NSFL1C: variants seen among roughly 807,000 people sequenced by gnomAD.
NSFL1C encodes the protein NSFL1 cofactor p47.
NSFL1C carries 14 observed loss-of-function variants against 43.1 expected under a neutral mutation model. The ratio of observed to expected loss-of-function variants is 0.32; its 90% confidence interval spans 0.21 to 0.51. NSFL1C has a LOEUF of 0.51. NSFL1C is among the 20% of genes least tolerant of loss of function. The pLI, the probability that NSFL1C is intolerant of heterozygous loss-of-function variation, is 0.98. For missense variants in NSFL1C, 406 were observed against 472.5 expected (o/e 0.86, Z 1.30); for synonymous variants, 171 against 183.5 (o/e 0.93, Z 0.55).
intron 2 of NSFL1C, among the ~76,000 whole-genome samples, chr20:1,458,921 G>C (rs979019003): frequency 3.3e-5 from 5 of 151,902 alleles, no homozygotes; most frequent in African/African-American, 1.2e-4. Context: ...TTTATTTTTA[G>C]AAAAAAAGCA....
At chr20:1,446,680 C>A (rs1255243763) in intron 7 of NSFL1C, among the ~76,000 whole-genome samples, 1 of 150,616 alleles carries the variant, frequency 6.6e-6, no homozygotes, top group Non-Finnish European at 1.5e-5. Flanking sequence ...ACACAAAATG[C>A]ACATAGGACT....
At chr20:1,461,746 T>A (rs1283596017) in intron 2 of NSFL1C, among the ~76,000 whole-genome samples, 1 of 152,182 alleles carries the variant, frequency 6.6e-6, no homozygotes, top group East Asian at 1.9e-4. Context: ...TGTCCTCATC[T>A]GTAAAATAGG....
chr20:1,460,851 T>C (rs1368604544), intron 2 of NSFL1C, among the ~76,000 whole-genome samples: 3 of 152,222 alleles, frequency 2.0e-5, no homozygotes, highest in Non-Finnish European at 4.4e-5. Flanking sequence ...TCCCGGAAGT[T>C]TAAAGTACAA....
At chr20:1,454,884 A>G (rs1251758790) in intron 4 of NSFL1C, 83 bp downstream of exon 4, 1 of 1,408,788 alleles carries the variant, frequency 7.1e-7, no homozygotes, top group East Asian at 2.3e-5. Context: ...GAAAAAAATC[A>G]GTCACTACCG....
intron 3 of NSFL1C, chr20:1,455,984 C>T (rs1473626780): frequency 5.7e-6 from 3 of 522,218 alleles, no homozygotes; most frequent in East Asian, 6.5e-5. Flanking sequence ...AAAGTTAGTA[C>T]TTTTTTATAT....
rs766529091 is a variant in NSFL1C, at chr20:1,455,059, G to A, written c.352C>T (p.Leu118=). ...GPPRKKSPNE[L]VDDLFKGAKE... ...GCACCTTTAAAGAGATCATCCACCAGCTCGTTGGGACTTTTCTTCCTGGGA... is the reference window on the plus strand; with the variant it reads ...GCACCTTTAAAGAGATCATCCACCAACTCGTTGGGACTTTTCTTCCTGGGA... The change falls in exon 4 of 9, where the codon CTG becomes TTG. Residue 118 remains leucine (L), a synonymous_variant. Transcript: ENST00000216879. 9 of 1,613,960 alleles carry A rather than the reference G, an allele frequency of 5.6e-6. No individual in the cohort carries two copies. In the East Asian group the frequency reaches 1.3e-4, roughly 24 times the overall value.
chr20:1,443,681 G>T lies in NSFL1C; in HGVS notation c.*68C>A. On this transcript the variant is annotated 3_prime_UTR_variant, in exon 9 of 9. Coordinates refer to ENST00000216879, the MANE Select transcript of NSFL1C (RefSeq NM_016143.5). Reference sequence around the variant, plus strand: ...GTGTGCACAAGGGGGCAGGAGGGGCGATCCCCATGGGGCATGGCCACTGGC... The same window carrying T: ...GTGTGCACAAGGGGGCAGGAGGGGCTATCCCCATGGGGCATGGCCACTGGC... 6.4e-7 allele frequency: 1 copy of T among 1,554,898 alleles called. No homozygotes were observed. Among genetic ancestry groups the T allele is most frequent in the East Asian group, 2.3e-5 (1 of 44,222 alleles).
In NSFL1C at chr20:1,443,619, C is replaced by A; in HGVS notation, c.*130G>T. 1 of 847,812 alleles carries A rather than the reference C, an allele frequency of 1.2e-6. No individual in the cohort carries two copies. Among genetic ancestry groups the A allele is most frequent in the Non-Finnish European group, 1.8e-6 (1 of 560,532 alleles). 52.5% of individuals were successfully genotyped at this position (847,812 alleles called of 1,614,324 possible). ...AAACGTCCAACCAAGATCTAAGAAC[C>A]CAGAGCTATGGAGGAGACGTTGCAC... On this transcript the variant is annotated 3_prime_UTR_variant, in exon 9 of 9. Coordinates refer to ENST00000216879, the MANE Select transcript of NSFL1C (RefSeq NM_016143.5).
intron 7 of NSFL1C, among the ~76,000 whole-genome samples, chr20:1,448,169 A>G (rs1362749981): frequency 6.6e-6 from 1 of 152,160 alleles, no homozygotes; most frequent in East Asian, 1.9e-4. Flanking sequence ...AAGTGGAGAT[A>G]CTCTCCTTAC....
In NSFL1C at chr20:1,444,397, T is replaced by C. The variant is rs1483730744; in HGVS notation, c.951-486A>G. Among the ~76,000 whole-genome samples the C allele has an allele frequency of 1.3e-5, 2 of 152,214 alleles. 1 individual carries two copies. Among genetic ancestry groups the C allele is most frequent in the Non-Finnish European group, 2.9e-5 (2 of 68,040 alleles). ...GATTAGTGTCTCCTCCTGCAGCTCA[T>C]GAATTTCACAAGGACAGTGTGTGTC... On this transcript the variant is annotated intron_variant, in intron 8 of 8. Coordinates refer to ENST00000216879, the MANE Select transcript of NSFL1C (RefSeq NM_016143.5).
At position 1,462,688 on chromosome 20, in the gene NSFL1C, A is replaced by T. The variant is rs192747257; in HGVS notation, c.203+1641T>A. Among the ~76,000 whole-genome samples the T allele has an allele frequency of 3.1e-3, 469 of 151,492 alleles. 2 individuals are homozygous for T. The highest frequency in any genetic ancestry group is 0.011 in the African/African-American group (459 of 41,294). ...AGGCTCCTGCCACCACACCTGGCTAATTTTTTTTGTATTTTTAGTAGAGAC... is the reference window on the plus strand; with the variant it reads ...AGGCTCCTGCCACCACACCTGGCTATTTTTTTTTGTATTTTTAGTAGAGAC... On this transcript the variant is annotated intron_variant, in intron 2 of 8. Transcript: ENST00000216879.
At chr20:1,464,516 C>CA (rs2090472200) in intron 1 of NSFL1C, 90 bp from the exon 2 acceptor site, 2 of 1,020,416 alleles carry the variant, frequency 2.0e-6, no homozygotes, top group Admixed American at 1.9e-5. Flanking sequence ...CAGACATGGC[C>CA]AACACTTACA....
At chr20:1,466,380 G>A (rs1208958517) in intron 1 of NSFL1C, among the ~76,000 whole-genome samples, 1 of 152,234 alleles carries the variant, frequency 6.6e-6, no homozygotes, top group East Asian at 1.9e-4. Flanking sequence ...CTGCTCACTC[G>A]GACCAGCCCG....
chr20:1,443,532 T>A lies in NSFL1C; in HGVS notation c.*217A>T, dbSNP rs1024563064. ...TCAATTTTTTTGGTTGTTTTTATTT[T>A]TTTTTTCATTAAAGTCCATTGATCA... is the stretch of plus-strand genomic sequence containing the variant. On this transcript the variant is annotated 3_prime_UTR_variant, in exon 9 of 9. Transcript: ENST00000216879. The A allele has an allele frequency of 2.2e-4, 95 of 435,930 alleles. 1 individual carries two copies. The highest frequency in any genetic ancestry group is 6.5e-5 in the Non-Finnish European group (16 of 246,260). 27.0% of individuals were successfully genotyped at this position (435,930 alleles called of 1,614,324 possible).
intron 8 of NSFL1C, among the ~76,000 whole-genome samples, chr20:1,444,912 C>G (rs1242526456): frequency 6.6e-6 from 1 of 152,214 alleles, no homozygotes; most frequent in African/African-American, 2.4e-5. Flanking sequence ...TGGGGCTTGT[C>G]TCCCGCTGTC....
chr20:1,463,015 C>T (rs1297426842), intron 2 of NSFL1C, among the ~76,000 whole-genome samples: 2 of 152,050 alleles, frequency 1.3e-5, no homozygotes, highest in African/African-American at 2.4e-5. Flanking sequence ...ATTTGACAGG[C>T]GAGGAAAATG....
intron 7 of NSFL1C, among the ~76,000 whole-genome samples, chr20:1,446,949 G>A (rs1326490511): frequency 1.3e-5 from 2 of 152,226 alleles, no homozygotes; most frequent in Non-Finnish European, 2.9e-5. Context: ...CCATAGGAAG[G>A]AAGGTGTAGG....
intron 7 of NSFL1C, among the ~76,000 whole-genome samples, chr20:1,447,681 C>T (rs1164123724): frequency 6.6e-6 from 1 of 152,170 alleles, no homozygotes; most frequent in Non-Finnish European, 1.5e-5. Flanking sequence ...GAAACCACCG[C>T]CTGCCAGAAA....
At chr20:1,465,996 G>A (rs2090501721) in intron 1 of NSFL1C, among the ~76,000 whole-genome samples, 1 of 152,216 alleles carries the variant, frequency 6.6e-6, no homozygotes, top group African/African-American at 2.4e-5. Context: ...ATCTACCTAA[G>A]ACGAAGCTGG....
Sources: allele counts gnomAD v4.1 joint callset (sites outside exome capture counted in the v4.1 genomes callset), GRCh38; gene constraint gnomAD v4.1.1; transcripts MANE v1.5; gene names NCBI Gene and HGNC (gene_info 2026-07-23, HGNC 2026-07-21).